The following DBF4B variants were observed in gnomAD, a reference collection of about 807,000 sequenced individuals.
DBF4B encodes the protein DBF4B-CDC7 kinase regulatory subunit.
In DBF4B, 49 loss-of-function variants were observed where a neutral mutation model predicts 53.4. The observed-to-expected ratio is 0.92, with a 90% CI of 0.73 to 1.16. The LOEUF (loss-of-function observed/expected upper bound fraction) is 1.16, where lower values mean the gene tolerates loss of function less well. DBF4B is among the 50% of genes most tolerant of loss of function. The probability of loss-of-function intolerance (pLI) is 0.00; values close to 1 mark genes in which losing one functional copy is unlikely to be tolerated. For synonymous variants in DBF4B, 257 were observed against 288.7 expected (o/e 0.89, Z 1.11); for missense variants, 692 against 775.0 (o/e 0.89, Z 1.27).
chr17:44,742,265 C>G (rs905297866), intron 10 of DBF4B, among the ~76,000 whole-genome samples: 5 of 151,724 alleles, frequency 3.3e-5, no homozygotes, highest in Admixed American at 6.6e-5. Context: ...AAAAAATTAG[C>G]CAGGCATTGT....
intron 9 of DBF4B, 23 bp from the exon 10 acceptor site, chr17:44,741,313 A>G: frequency 6.4e-7 from 1 of 1,553,296 alleles, no homozygotes; most frequent in Non-Finnish European, 8.9e-7. Context: ...TTGTAGTCAA[A>G]GTGGAAGTTT....
In DBF4B at chr17:44,741,850, C is replaced by G. The variant is rs139374960; in HGVS notation, c.830+398C>G. On this transcript the variant is annotated intron_variant, in intron 10 of 13. Coordinates refer to ENST00000315005, the MANE Select transcript of DBF4B (RefSeq NM_145663.3). Reference sequence around the variant, plus strand: ...TGGTGCACCCAGCAGTTACCTCACTCGGCAGGGTTTACCGAGTATACACAG... The same window carrying G: ...TGGTGCACCCAGCAGTTACCTCACTGGGCAGGGTTTACCGAGTATACACAG... Among the ~76,000 whole-genome samples, 14 of 152,286 alleles carry G rather than the reference C, an allele frequency of 9.2e-5. No homozygotes were observed. The East Asian group carries it at 2.7e-3, about 29-fold the overall frequency.
intron 2 of DBF4B, chr17:44,720,136 C>T (rs557650069): frequency 1.7e-5 from 5 of 298,800 alleles, no homozygotes; most frequent in South Asian, 4.0e-5. Flanking sequence ...GCCTCTGTGG[C>T]GCCCAGTGGT....
At position 44,749,705 on chromosome 17, in the gene DBF4B, G is replaced by A; in HGVS notation, c.1190-890G>A. On this transcript the variant is annotated intron_variant, in intron 13 of 13. Transcript: ENST00000315005. The surrounding 1 kb of genome is among the most constrained non-coding windows in gnomAD (Gnocchi z 4.4). ...GCAGAGGCGAAGTTGGCATGGGGAG[G>A]GACCACAAAGGAGCTGGGGCAGCAG... 1 of 1,153,910 alleles carries A rather than the reference G, an allele frequency of 8.7e-7. No individual in the cohort carries two copies. The highest frequency in any genetic ancestry group is 1.9e-5 in the South Asian group (1 of 53,718). The allele number at this position is 1,153,910 out of a possible 1,614,324, so 71.5% of individuals were successfully genotyped here. A position where few individuals can be genotyped will look rare whatever the true frequency, so the allele number is the denominator to read the frequency against.
intron 7 of DBF4B, among the ~76,000 whole-genome samples, chr17:44,735,539 G>A (rs558037344): frequency 4.6e-5 from 7 of 151,956 alleles, no homozygotes; most frequent in African/African-American, 9.7e-5. Context: ...GTGTGGTGGC[G>A]CATGCCTGTA....
intron 10 of DBF4B, among the ~76,000 whole-genome samples, chr17:44,742,335 G>A (rs1291331458): frequency 3.3e-5 from 5 of 151,152 alleles, no homozygotes; most frequent in Non-Finnish European, 2.9e-5. Context: ...GCTTGAACCC[G>A]GCAGGCGGAG....
At chr17:44,726,842 T>C (rs7342874) in intron 3 of DBF4B, among the ~76,000 whole-genome samples, 18 of 152,274 alleles carry the variant, frequency 1.2e-4, no homozygotes, top group African/African-American at 4.3e-4. Context: ...CTCACACTTG[T>C]AATCCCAGCA....
At chr17:44,746,989 C>T (rs2049112076) in intron 10 of DBF4B, 94 bp from the exon 11 acceptor site, 2 of 1,196,204 alleles carry the variant, frequency 1.7e-6, no homozygotes, top group Non-Finnish European at 2.5e-6. Flanking sequence ...TTGGTCCTTC[C>T]CCTCCCTGAC....
intron 5 of DBF4B, 192 bp from the exon 6 acceptor site, chr17:44,731,986 C>T (rs966374441): frequency 2.4e-5 from 14 of 575,994 alleles, no homozygotes; most frequent in Non-Finnish European, 3.7e-5. Context: ...CCAATGTGGC[C>T]ATGTGGAGGA....
chr17:44,745,540 G>GCTGA (rs1976508597), intron 10 of DBF4B, among the ~76,000 whole-genome samples: 1 of 152,192 alleles, frequency 6.6e-6, no homozygotes, highest in South Asian at 2.1e-4. Context: ...CTGAGTGAAG[G>GCTGA]GGGAAGAGCC....
rs961669960 is a variant in DBF4B, at chr17:44,749,688, G to A, written c.1190-907G>A. 2 of 1,164,692 alleles carry A rather than the reference G, an allele frequency of 1.7e-6. No individual in the cohort carries two copies. The highest frequency in any genetic ancestry group is 2.2e-6 in the Non-Finnish European group (2 of 928,766). 72.1% of individuals were successfully genotyped at this position (1,164,692 alleles called of 1,614,324 possible). ...GCCGCCCACGCCAGGAGGCAGAGGC[G>A]AAGTTGGCATGGGGAGGGACCACAA... On this transcript the variant is annotated intron_variant, in intron 13 of 13. Transcript: ENST00000315005. This position sits in a 1 kb window ranked among gnomAD's most constrained non-coding sequence, Gnocchi z 4.4.
chr17:44,736,919 C>T, intron 8 of DBF4B, 53 bp downstream of exon 8: 1 of 1,595,248 alleles, frequency 6.3e-7, no homozygotes. Context: ...TCCCTAAACA[C>T]TTCCCCACGA....
intron 13 of DBF4B, chr17:44,750,226 G>A: frequency 9.8e-7 from 1 of 1,017,292 alleles, no homozygotes; most frequent in Non-Finnish European, 1.2e-6. Flanking sequence ...AGACAGAAAT[G>A]GGTTTGCTAT....
At chr17:44,736,747 G>A (rs1185964866) in intron 7 of DBF4B, 83 bp from the exon 8 acceptor site, 2 of 1,486,892 alleles carry the variant, frequency 1.3e-6, no homozygotes, top group Non-Finnish European at 1.9e-6. Context: ...GGGACAGACT[G>A]GCAGCCACTT....
At position 44,751,507 on chromosome 17, in the gene DBF4B, C is replaced by T. The variant is rs1436327831; in HGVS notation, c.*254C>T. ...CCCTCCACAAGTCACACTGTCTGTC[C>T]CTGGCCCTCCAGCCCACCTCGCCAA... On this transcript the variant is annotated 3_prime_UTR_variant, in exon 14 of 14. Coordinates refer to ENST00000315005, the MANE Select transcript of DBF4B (RefSeq NM_145663.3). 6 of 1,393,416 alleles carry T rather than the reference C, an allele frequency of 4.3e-6. No homozygotes were observed. The East Asian group carries it at 1.6e-4, about 37-fold the overall frequency. The allele number at this position is 1,393,416 out of a possible 1,614,324, so 86.3% of individuals were successfully genotyped here.
chr17:44,736,960 C>T (rs1975507008), intron 8 of DBF4B, 94 bp downstream of exon 8: 1 of 1,450,160 alleles, frequency 6.9e-7, no homozygotes, highest in African/African-American at 1.4e-5. Flanking sequence ...GCTCACTTTT[C>T]TGTGGCAGCA....
intron 10 of DBF4B, among the ~76,000 whole-genome samples, chr17:44,744,668 G>A (rs770028835): frequency 2.6e-5 from 4 of 152,024 alleles, no homozygotes; most frequent in Non-Finnish European, 5.9e-5. Context: ...TTCATGGAGC[G>A]GATACCAACT....
At chr17:44,746,981 G>T (rs2049111811) in intron 10 of DBF4B, 102 bp from the exon 11 acceptor site, 4 of 1,074,804 alleles carry the variant, frequency 3.7e-6, no homozygotes, top group Non-Finnish European at 4.2e-6. Context: ...TGGCCATCTT[G>T]GTCCTTCCCC....
chr17:44,747,917 G>A (rs575507445), intron 12 of DBF4B, among the ~76,000 whole-genome samples: 2 of 152,162 alleles, frequency 1.3e-5, no homozygotes, highest in African/African-American at 4.8e-5. Flanking sequence ...GGAATTCCAG[G>A]GCCCTCTGAG....
Sources: allele counts gnomAD v4.1 joint callset (sites outside exome capture counted in the v4.1 genomes callset), GRCh38; gene constraint gnomAD v4.1.1; non-coding constraint Gnocchi (gnomAD v3.1); transcripts MANE v1.5; gene names NCBI Gene and HGNC (gene_info 2026-07-23, HGNC 2026-07-21).